The following MYBPC3 variants were observed in gnomAD, a reference collection of about 807,000 sequenced individuals.
The protein encoded by MYBPC3 is myosin-binding protein C, cardiac-type.
MYBPC3 carries 108 observed loss-of-function variants against 159.3 expected under a neutral mutation model. The observed-to-expected ratio is 0.68, with a 90% CI of 0.58 to 0.80. The LOEUF is 0.80. Among genes scored for constraint, MYBPC3 ranks in the 30% least tolerant of loss-of-function variants. The probability of loss-of-function intolerance (pLI) is 0.00; values close to 1 mark genes in which losing one functional copy is unlikely to be tolerated. For missense variants in MYBPC3, 1,631 were observed against 1,762.1 expected, an observed-to-expected ratio of 0.93 and a Z score of 1.33; for synonymous variants, 730 against 702.0, an observed-to-expected ratio of 1.04 and a Z score of -0.63.
intron 27 of MYBPC3, among the ~76,000 whole-genome samples, 184 bp downstream of exon 27, chr11:47,334,858 T>C (rs973939891): frequency 3.3e-5 from 5 of 152,180 alleles, no homozygotes; most frequent in Non-Finnish European, 7.4e-5. Context: ...CCACTGTGCC[T>C]GGCCACCCTC....
chr11:47,331,623 G>C lies in MYBPC3; in HGVS notation c.*120C>G, dbSNP rs1374426528. 1.8e-6 allele frequency: 1 copy of C among 556,538 alleles called. No individual in the cohort carries two copies. The highest frequency in any genetic ancestry group is 3.2e-6 in the Non-Finnish European group (1 of 312,264). The allele number at this position is 556,538 out of a possible 1,614,324, so 34.5% of individuals were successfully genotyped here. On this transcript the variant is annotated 3_prime_UTR_variant, in exon 35 of 35. Coordinates refer to ENST00000545968, the MANE Select transcript of MYBPC3 (RefSeq NM_000256.3). ...CCTGCTGATCCCCCATCGCAGCACA[G>C]GAGACACACTTGTCACACATACATC...
chr11:47,332,960 A>T lies in MYBPC3; in HGVS notation c.3344T>A (p.Val1115Asp). ...GTGGGTGCGGCGGTAATGCTCCAAG[A>T]CGGTGAACCACTCCTGGGGGCAGGG... is the stretch of plus-strand genomic sequence containing the variant. The part of the protein sequence containing the change: ...ADKKTMEWFT[V>D]LEHYRRTHCV... Residue 1115 changes from valine (V) to aspartate (D), a missense_variant, in exon 31 of 35, where the codon GTC becomes GAC. Val to Asp is a radical substitution (Grantham distance 152, BLOSUM62 -3). Coordinates refer to ENST00000545968, the MANE Select transcript of MYBPC3 (RefSeq NM_000256.3). This position sits in a 1 kb window ranked among gnomAD's most constrained non-coding sequence, Gnocchi z 4.2. 6.2e-7 allele frequency: 1 copy of T among 1,609,048 alleles called. No homozygotes were observed. Among genetic ancestry groups the T allele is most frequent in the Non-Finnish European group, 8.5e-7 (1 of 1,177,590 alleles).
At position 47,347,176 on chromosome 11, in the gene MYBPC3, C is replaced by T. The variant is rs1171106467; in HGVS notation, c.906-147G>A. 11 of 1,450,360 alleles carry T rather than the reference C, an allele frequency of 7.6e-6. No homozygotes were observed. In the East Asian group the frequency reaches 1.5e-4, roughly 20 times the overall value. 89.8% of individuals were successfully genotyped at this position (1,450,360 alleles called of 1,614,324 possible). ...GTTCCTTCTGGGTCCCCGGAGTTTA[C>T]GGAGGGAGCTTTTGCAGCCTCAAGT... On this transcript the variant is annotated intron_variant, in intron 9 of 34. Coordinates refer to ENST00000545968, the MANE Select transcript of MYBPC3 (RefSeq NM_000256.3).
At position 47,349,626 on chromosome 11, in the gene MYBPC3, C is replaced by A. The variant is rs924946086; in HGVS notation, c.654+148G>T. ...CCGGGATCTCCCTGTGGGCCCCTGG[C>A]CCCTCCACCTGCCTCCCAGATTCCC... On this transcript the variant is annotated intron_variant, in intron 5 of 34. Coordinates refer to ENST00000545968, the MANE Select transcript of MYBPC3 (RefSeq NM_000256.3). The A allele has an allele frequency of 2.6e-5, 31 of 1,201,728 alleles. No homozygotes were observed. The South Asian group carries it at 4.8e-4, about 18-fold the overall frequency. The allele number at this position is 1,201,728 out of a possible 1,614,324, so 74.4% of individuals were successfully genotyped here. A position where few individuals can be genotyped will look rare whatever the true frequency, so the allele number is the denominator to read the frequency against.
intron 21 of MYBPC3, 32 bp from the exon 22 acceptor site, chr11:47,339,436 A>T (rs2095885996): frequency 6.2e-7 from 1 of 1,607,538 alleles, no homozygotes; most frequent in African/African-American, 1.3e-5. Flanking sequence ...AGTAGGGAGC[A>T]GAGGAGCTGA....
chr11:47,349,616 G>A (rs2142867484), intron 5 of MYBPC3, among the ~76,000 whole-genome samples, 158 bp downstream of exon 5: 1 of 152,200 alleles, frequency 6.6e-6, no homozygotes. Flanking sequence ...ATCTCCCTGT[G>A]GGCCCCTGGC....
At chr11:47,347,093 G>T in intron 9 of MYBPC3, 64 bp from the exon 10 acceptor site, 2 of 964,518 alleles carry the variant, frequency 2.1e-6, no homozygotes, top group Admixed American at 1.8e-5. Flanking sequence ...AGGGCAGAGA[G>T]AACATAAGTC....
chr11:47,338,441 T>C lies in MYBPC3; in HGVS notation c.2308+79A>G, dbSNP rs745726305. The stretch of plus-strand genomic sequence containing the variant: ...GAGCATGCCCGTGATGTTTGTCGAG[T>C]GGCTGAATGAGCGAACGGATGGGCC... On this transcript the variant is annotated intron_variant, in intron 23 of 34. Coordinates refer to ENST00000545968, the MANE Select transcript of MYBPC3 (RefSeq NM_000256.3). This position sits in a 1 kb window ranked among gnomAD's most constrained non-coding sequence, Gnocchi z 4.7. 112 of 1,588,708 alleles carry C rather than the reference T, an allele frequency of 7.0e-5. No individual in the cohort carries two copies. The highest frequency in any genetic ancestry group is 3.3e-4 in the Middle Eastern group (2 of 5,992).
intron 14 of MYBPC3, 21 bp downstream of exon 14, chr11:47,343,239 G>C: frequency 6.4e-7 from 1 of 1,572,642 alleles, no homozygotes; most frequent in Non-Finnish European, 8.6e-7. Flanking sequence ...CCCACCCCAA[G>C]CCATCCAGAG....
At chr11:47,341,387 A>G (rs932981783) in intron 18 of MYBPC3, 143 bp from the exon 19 acceptor site, 4 of 608,526 alleles carry the variant, frequency 6.6e-6, no homozygotes, top group Admixed American at 3.3e-5. Flanking sequence ...TTTTTTTTCT[A>G]TATTATCTAA....
chr11:47,333,172 G>A, intron 30 of MYBPC3, 22 bp downstream of exon 30: 11 of 1,597,556 alleles, frequency 6.9e-6, no homozygotes, highest in South Asian at 1.1e-5. Flanking sequence ...GTGCACGTGG[G>A]GACCCCAGAC....
In MYBPC3 at chr11:47,346,901, C is replaced by T. The variant is rs11570064; in HGVS notation, c.908+126G>A. ...AGAAGCCCAAGGCACAGAGACTCACCCCTGTCCGTGGGGAGCCGCACCCTG... is the reference window on the plus strand; with the variant it reads ...AGAAGCCCAAGGCACAGAGACTCACTCCTGTCCGTGGGGAGCCGCACCCTG... On this transcript the variant is annotated intron_variant, in intron 10 of 34. Coordinates refer to ENST00000545968, the MANE Select transcript of MYBPC3 (RefSeq NM_000256.3). The surrounding 1 kb of genome is among the most constrained non-coding windows in gnomAD (Gnocchi z 5.3). The T allele has an allele frequency of 4.0e-5, 29 of 729,584 alleles. No individual in the cohort carries two copies. In the East Asian group the frequency reaches 7.3e-4, roughly 18 times the overall value. The allele number at this position is 729,584 out of a possible 1,614,324, so 45.2% of individuals were successfully genotyped here.
At chr11:47,334,315 GTGT>G (rs2095880238) in intron 27 of MYBPC3, among the ~76,000 whole-genome samples, 1 of 152,220 alleles carries the variant, frequency 6.6e-6, no homozygotes. Context: ...CCTATGCCCT[GTGT>G]TGTTACCACC....
chr11:47,349,639 C>G (rs1478655863), intron 5 of MYBPC3, 135 bp downstream of exon 5: 11 of 1,303,998 alleles, frequency 8.4e-6, no homozygotes, highest in Non-Finnish European at 9.2e-6. Flanking sequence ...CTCCACCTGC[C>G]TCCCAGATTC....
chr11:47,339,631 T>A lies in MYBPC3; in HGVS notation c.2067+20A>T. On this transcript the variant is annotated intron_variant, in intron 21 of 34. Coordinates refer to ENST00000545968, the MANE Select transcript of MYBPC3 (RefSeq NM_000256.3). ...ACACCCATCTTATAGATGGGGAGACTGAGGAGGGACCCACAGTACCTGCGT... is the reference window on the plus strand; with the variant it reads ...ACACCCATCTTATAGATGGGGAGACAGAGGAGGGACCCACAGTACCTGCGT... 2.6e-6 allele frequency: 4 copies of A among 1,557,326 alleles called. No homozygotes were observed. Among genetic ancestry groups the A allele is most frequent in the Non-Finnish European group, 3.5e-6 (4 of 1,147,258 alleles).
Position 47,338,582 on chromosome 11 carries a change from T to C in MYBPC3, c.2246A>G (p.Tyr749Cys), listed in dbSNP as rs1464769206. ...CACAGGGTTCTTCACTGTGACCGTG[T>C]AGACGCCCTCATCTTCCTTCTCTGC... ...EGAEKEDEGV[Y>C]TVTVKNPVGE... Residue 749 changes from tyrosine to cysteine, a missense_variant, in exon 23 of 35, where the codon TAC becomes TGC. Transcript: ENST00000545968. This position sits in a 1 kb window ranked among gnomAD's most constrained non-coding sequence, Gnocchi z 4.7. 6.2e-7 allele frequency: 1 copy of C among 1,614,054 alleles called. No homozygotes were observed. Among genetic ancestry groups the C allele is most frequent in the Non-Finnish European group, 8.5e-7 (1 of 1,179,904 alleles).
intron 5 of MYBPC3, among the ~76,000 whole-genome samples, chr11:47,349,463 T>C (rs1461524445): frequency 2.6e-5 from 4 of 152,096 alleles, no homozygotes; most frequent in African/African-American, 9.7e-5. Flanking sequence ...CCTCCAGGCT[T>C]CCTGACCACC....
At position 47,332,231 on chromosome 11, in the gene MYBPC3, G is replaced by A. The variant is rs1478902274; in HGVS notation, c.3655C>T (p.Leu1219=). 1.2e-6 allele frequency: 2 copies of A among 1,613,832 alleles called. No individual in the cohort carries two copies. The highest frequency in any genetic ancestry group is 1.1e-5 in the South Asian group (1 of 91,080). Reference sequence around the variant, plus strand: ...AAGCGGGCGTCTTCTCCCAGGTCCAGGCCATTCTTGAACCAGGAAATCTTG... The same window carrying A: ...AAGCGGGCGTCTTCTCCCAGGTCCAAGCCATTCTTGAACCAGGAAATCTTG... The part of the protein sequence containing the change: ...KPKISWFKNG[L]DLGEDARFRM... The change falls in exon 33 of 35, where the codon CTG becomes TTG. Residue 1219 remains leucine, a synonymous_variant. Coordinates refer to ENST00000545968, the MANE Select transcript of MYBPC3 (RefSeq NM_000256.3). The surrounding 1 kb of genome is among the most constrained non-coding windows in gnomAD (Gnocchi z 4.2).
chr11:47,351,435 C>T lies in MYBPC3; in HGVS notation c.96G>A (p.Glu32=). 6.2e-7 allele frequency: 1 copy of T among 1,609,562 alleles called. No homozygotes were observed. Among genetic ancestry groups the T allele is most frequent in the South Asian group, 1.1e-5 (1 of 90,574 alleles). ...GCACCTTCACTCCTGCCCGCTCTGTCTCGGCCTCGAACACGGCAGGGCTGC... is the reference window on the plus strand; with the variant it reads ...GCACCTTCACTCCTGCCCGCTCTGTTTCGGCCTCGAACACGGCAGGGCTGC... ...AAGSPAVFEA[E]TERAGVKVRW... Residue 32 remains glutamate (E), a synonymous_variant, in exon 2 of 35, where the codon GAG becomes GAA. Transcript: ENST00000545968. The surrounding 1 kb of genome is among the most constrained non-coding windows in gnomAD (Gnocchi z 4.2).
Sources: gnomAD v4.1 joint callset for allele counts (sites outside exome capture counted in the v4.1 genomes callset) on GRCh38, gnomAD v4.1.1 for gene constraint, Gnocchi (gnomAD v3.1) non-coding constraint, MANE v1.5 for transcripts, NCBI Gene and HGNC (gene_info 2026-07-23, HGNC 2026-07-21) for gene names.